Variants in SOX5 observed in about 807,000 individuals in gnomAD.
SOX5 encodes transcription factor SOX-5.
A neutral mutation model predicts 92.0 loss-of-function variants in SOX5; 9 were observed. That is an observed-to-expected ratio of 0.10 (90% CI 0.06 to 0.17). The LOEUF (loss-of-function observed/expected upper bound fraction) is 0.17. Among genes scored for constraint, SOX5 ranks in the 10% least tolerant of loss-of-function variants. The pLI, the probability that SOX5 is intolerant of heterozygous loss-of-function variation, is 1.00. For missense variants in SOX5, 642 were observed against 944.5 expected, an observed-to-expected ratio of 0.68 and a Z score of 4.20; for synonymous variants, 344 against 336.3, an observed-to-expected ratio of 1.02 and a Z score of -0.25.
intron 11 of SOX5, among the ~76,000 whole-genome samples, chr12:23,558,951 C>T (rs761744867): frequency 1.3e-5 from 2 of 152,126 alleles, no homozygotes; most frequent in Non-Finnish European, 2.9e-5. Flanking sequence ...ATACATGTAG[C>T]GAAACTCGTT....
At chr12:24,177,485 A>G (rs1262811353) in intron 4 of SOX5, among the ~76,000 whole-genome samples, 1 of 152,180 alleles carries the variant, frequency 6.6e-6, no homozygotes, top group Non-Finnish European at 1.5e-5. Flanking sequence ...TGCCAGGATA[A>G]TCTAGAAATA....
chr12:23,856,629 T>C (rs1218445898), intron 2 of SOX5, among the ~76,000 whole-genome samples: 2 of 152,136 alleles, frequency 1.3e-5, no homozygotes, highest in Non-Finnish European at 2.9e-5. Flanking sequence ...CCTCAACTGA[T>C]TCAGGTGCTG....
At chr12:23,971,370 C>T (rs979747950) in intron 4 of SOX5, among the ~76,000 whole-genome samples, 66 of 151,524 alleles carry the variant, frequency 4.4e-4, no homozygotes, top group African/African-American at 1.5e-3. Context: ...GATCCACCTG[C>T]CTCAGCCTCC....
chr12:23,736,987 C>T (rs1222575500), intron 5 of SOX5, among the ~76,000 whole-genome samples: 2 of 149,734 alleles, frequency 1.3e-5, no homozygotes, highest in African/African-American at 5.1e-5. Flanking sequence ...GCCACAGTGC[C>T]CGACCTACGA....
chr12:23,683,133 A>C (rs2086904174), intron 6 of SOX5, among the ~76,000 whole-genome samples: 1 of 151,924 alleles, frequency 6.6e-6, no homozygotes, highest in East Asian at 1.9e-4. Context: ...TGTGATATGC[A>C]AGTAATTAAT....
At chr12:23,583,521 T>C (rs1465213300) in intron 9 of SOX5, among the ~76,000 whole-genome samples, 2 of 152,138 alleles carry the variant, frequency 1.3e-5, no homozygotes, top group Non-Finnish European at 2.9e-5. Context: ...TTCAACTTTG[T>C]TTAACCTCTG....
chr12:23,802,941 G>C (rs967244067), intron 3 of SOX5, among the ~76,000 whole-genome samples: 1 of 151,958 alleles, frequency 6.6e-6, no homozygotes, highest in African/African-American at 2.4e-5. Flanking sequence ...TGCTACTCCC[G>C]CCCCTCTTCC....
At chr12:23,975,520 T>G (rs1948802823) in intron 4 of SOX5, among the ~76,000 whole-genome samples, 1 of 152,150 alleles carries the variant, frequency 6.6e-6, no homozygotes, top group African/African-American at 2.4e-5. Flanking sequence ...CTACAAATCA[T>G]TAGTTTGCAT....
chr12:24,345,373 A>G (rs985754955), intron 2 of SOX5, among the ~76,000 whole-genome samples: 7 of 152,150 alleles, frequency 4.6e-5, no homozygotes, highest in African/African-American at 1.7e-4. Context: ...AAGCCAGCTC[A>G]AGTTCTTGGT....
chr12:23,534,502 A>T lies in SOX5; in HGVS notation c.2009T>A (p.Ile670Asn), dbSNP rs776780075. 2 of 1,613,100 alleles carry T rather than the reference A, an allele frequency of 1.2e-6. No individual in the cohort carries two copies. Among genetic ancestry groups the T allele is most frequent in the East Asian group, 4.5e-5 (2 of 44,836 alleles). The part of the protein sequence containing the change: ...FNVGQQAQIP[I>N]ATAGVVYPGA... ...AGGGTACACAACACCAGCAGTGGCA[A>T]TGGGGATCTGTGCTTGTTGCCTGTC... Residue 670 changes from isoleucine to asparagine, a missense_variant, in exon 15 of 15, where the codon ATT (isoleucine) becomes AAT (asparagine). Transcript: ENST00000451604.
Position 24,393,668 on chromosome 12 carries a change from T to C in SOX5, c.-250-25029A>G, listed in dbSNP as rs983484842. ...ACATGGCCCTTGTCATGGAAACTAGTGCTTAATGTAGAAATTATTAAAATT... is the reference window on the plus strand; with the variant it reads ...ACATGGCCCTTGTCATGGAAACTAGCGCTTAATGTAGAAATTATTAAAATT... On this transcript the variant is annotated intron_variant, in intron 1 of 4. Coordinates refer to the SOX5 transcript ENST00000446891. The surrounding 1 kb of genome is among the most constrained non-coding windows in gnomAD (Gnocchi z 5.0). Among the ~76,000 whole-genome samples the C allele has an allele frequency of 6.6e-6, 1 of 152,224 alleles. No homozygotes were observed. The highest frequency in any genetic ancestry group is 2.4e-5 in the African/African-American group (1 of 41,458).
intron 2 of SOX5, among the ~76,000 whole-genome samples, chr12:24,312,022 C>T (rs1949227063): frequency 6.8e-6 from 1 of 147,958 alleles, no homozygotes; most frequent in Admixed American, 6.7e-5. Context: ...TAAATTAAAC[C>T]CAAAGAAATT....
At chr12:23,806,918 G>C (rs1164936319) in intron 3 of SOX5, among the ~76,000 whole-genome samples, 1 of 152,184 alleles carries the variant, frequency 6.6e-6, no homozygotes, top group Non-Finnish European at 1.5e-5. Context: ...AGGAAGAAGA[G>C]TGTGTTTGTT....
intron 4 of SOX5, among the ~76,000 whole-genome samples, chr12:24,093,382 G>A (rs1944902819): frequency 6.6e-6 from 1 of 152,002 alleles, no homozygotes; most frequent in Non-Finnish European, 1.5e-5. Flanking sequence ...AACTAGCCAG[G>A]CGTGGTGGCG....
chr12:23,717,038 G>A (rs1426408241), intron 6 of SOX5, among the ~76,000 whole-genome samples: 2 of 152,016 alleles, frequency 1.3e-5, no homozygotes, highest in Non-Finnish European at 2.9e-5. Flanking sequence ...CTTATCCCTT[G>A]CTTACTTTGG....
chr12:23,575,222 C>T (rs781172181), intron 10 of SOX5, among the ~76,000 whole-genome samples: 10 of 152,048 alleles, frequency 6.6e-5, no homozygotes, highest in African/African-American at 9.7e-5. Context: ...TCAAACAGAA[C>T]GAAACTGAAC....
intron 2 of SOX5, among the ~76,000 whole-genome samples, chr12:24,320,227 C>A (rs1042393285): frequency 1.3e-5 from 2 of 152,212 alleles, no homozygotes; most frequent in African/African-American, 4.8e-5. Flanking sequence ...GGTTTTCACA[C>A]AATCGAGTTA....
At chr12:24,294,512 C>T (rs975176623) in intron 2 of SOX5, among the ~76,000 whole-genome samples, 4 of 152,164 alleles carry the variant, frequency 2.6e-5, no homozygotes, top group Non-Finnish European at 5.9e-5. Flanking sequence ...AATGTGAATA[C>T]CTCCATGCAA....
intron 11 of SOX5, among the ~76,000 whole-genome samples, chr12:23,558,022 A>G (rs1221539027): frequency 6.6e-6 from 1 of 152,084 alleles, no homozygotes; most frequent in Non-Finnish European, 1.5e-5. Context: ...GGAAGGGCAA[A>G]AGATAGATAG....
Sources: allele counts gnomAD v4.1 joint callset (sites outside exome capture counted in the v4.1 genomes callset), GRCh38; gene constraint gnomAD v4.1.1; non-coding constraint Gnocchi (gnomAD v3.1); transcripts MANE v1.5; gene names NCBI Gene and HGNC (gene_info 2026-07-23, HGNC 2026-07-21).